Variants in SHB observed in about 807,000 individuals in gnomAD.
SHB encodes SH2 domain-containing adapter protein B.
A neutral mutation model predicts 52.3 loss-of-function variants in SHB; 20 were observed. That is an observed-to-expected ratio of 0.38 (90% CI 0.27 to 0.56). The LOEUF (loss-of-function observed/expected upper bound fraction) is 0.56. Among genes scored for constraint, SHB ranks in the 20% least tolerant of loss-of-function variants. The probability of loss-of-function intolerance (pLI) is 0.71; values close to 1 mark genes in which losing one functional copy is unlikely to be tolerated. For synonymous variants in SHB, 397 were observed against 316.5 expected (o/e 1.25, Z -2.70); for missense variants, 825 against 723.3 (o/e 1.14, Z -1.61).
chr9:37,949,897 C>A (rs951187312), intron 4 of SHB, among the ~76,000 whole-genome samples: 2 of 152,226 alleles, frequency 1.3e-5, no homozygotes, highest in Admixed American at 6.5e-5. Context: ...GGGCCCGACT[C>A]ATCCCTCATC....
At chr9:38,004,742 G>A (rs992407186) in intron 2 of SHB, among the ~76,000 whole-genome samples, 4 of 152,214 alleles carry the variant, frequency 2.6e-5, no homozygotes, top group Admixed American at 2.0e-4. Flanking sequence ...ACGGGCACAT[G>A]AGTGCATGTG....
rs552208634 is a variant in SHB, at chr9:37,949,041, A to C, written c.1227-287T>G. Among the ~76,000 whole-genome samples the C allele has an allele frequency of 9.2e-5, 14 of 152,298 alleles. No homozygotes were observed. The South Asian group carries it at 2.9e-3, about 32-fold the overall frequency. On this transcript the variant is annotated intron_variant, in intron 4 of 5. Transcript: ENST00000377707. ...CAGTGTGAGGACAGGCATCATGGAG[A>C]TGAAGTGGCATAGGCTCATGGAGCT...
intron 1 of SHB, among the ~76,000 whole-genome samples, chr9:38,032,587 G>C (rs138860646): frequency 2.0e-5 from 3 of 152,136 alleles, no homozygotes; most frequent in African/African-American, 7.2e-5. Context: ...CTGTGACTCC[G>C]GCACACCTGC....
intron 3 of SHB, among the ~76,000 whole-genome samples, chr9:37,961,958 G>A (rs1258018056): frequency 6.6e-6 from 1 of 152,186 alleles, no homozygotes; most frequent in Non-Finnish European, 1.5e-5. Context: ...ATGGCCCGTG[G>A]CTGAAACCCA....
intron 1 of SHB, among the ~76,000 whole-genome samples, chr9:38,041,282 C>T (rs1821571871): frequency 6.6e-6 from 1 of 152,194 alleles, no homozygotes; most frequent in African/African-American, 2.4e-5. Flanking sequence ...CATAACCATG[C>T]ACACGCACCG....
chr9:38,048,262 A>G (rs1286224061), intron 1 of SHB, among the ~76,000 whole-genome samples: 1 of 152,134 alleles, frequency 6.6e-6, no homozygotes. Context: ...ATTTCCTTCC[A>G]GTCTTTTTTC....
In SHB at chr9:37,917,343, G is replaced by C. The variant is rs991382047; in HGVS notation, c.*2478C>G. Among the ~76,000 whole-genome samples, 1 of 152,200 alleles carries C rather than the reference G, an allele frequency of 6.6e-6. No homozygotes were observed. Among genetic ancestry groups the C allele is most frequent in the African/African-American group, 2.4e-5 (1 of 41,454 alleles). On this transcript the variant is annotated 3_prime_UTR_variant, in exon 6 of 6. Transcript: ENST00000377707. Reference sequence around the variant, plus strand: ...AGGAAGACGAAGGCCAGGGACAGAGGGAGGGTCCCAGGAATACCCTAAGAG... The same window carrying C: ...AGGAAGACGAAGGCCAGGGACAGAGCGAGGGTCCCAGGAATACCCTAAGAG...
At chr9:37,962,084 C>G (rs973006736) in intron 3 of SHB, among the ~76,000 whole-genome samples, 6 of 152,186 alleles carry the variant, frequency 3.9e-5, no homozygotes, top group African/African-American at 7.2e-5. Flanking sequence ...TCTTAAACTT[C>G]TTTGAGCCTT....
chr9:37,929,260 T>C (rs1034854774), intron 5 of SHB, among the ~76,000 whole-genome samples: 3 of 152,360 alleles, frequency 2.0e-5, no homozygotes, highest in Middle Eastern at 3.4e-3. Flanking sequence ...CCGCCGAGTA[T>C]GCAGGATGTC....
At chr9:38,005,120 A>G (rs1007552631) in intron 2 of SHB, among the ~76,000 whole-genome samples, 2 of 152,188 alleles carry the variant, frequency 1.3e-5, no homozygotes, top group Non-Finnish European at 1.5e-5. Context: ...TCTAGCAGAT[A>G]CATCACAGTG....
intron 1 of SHB, among the ~76,000 whole-genome samples, chr9:38,024,866 C>T (rs1462561413): frequency 6.6e-6 from 1 of 152,202 alleles, no homozygotes; most frequent in Non-Finnish European, 1.5e-5. Flanking sequence ...ATGGTCTATT[C>T]TGCTAGATCT....
chr9:38,010,178 T>A (rs1197633175), intron 2 of SHB, among the ~76,000 whole-genome samples: 1 of 152,220 alleles, frequency 6.6e-6, no homozygotes, highest in African/African-American at 2.4e-5. Context: ...AGTATTCTCC[T>A]CTGTAAAATG....
At chr9:38,048,844 T>C (rs1264519787) in intron 1 of SHB, among the ~76,000 whole-genome samples, 1 of 152,186 alleles carries the variant, frequency 6.6e-6, no homozygotes, top group Non-Finnish European at 1.5e-5. Flanking sequence ...TAGGTGCTTT[T>C]CCCTAGGAGG....
chr9:38,010,438 A>G (rs72726021), intron 2 of SHB, among the ~76,000 whole-genome samples: 10,861 of 152,240 alleles, frequency 0.071, 488 homozygotes, highest in South Asian at 0.11. Flanking sequence ...GTCAGTCTCT[A>G]CATGCTCTTG....
intron 2 of SHB, among the ~76,000 whole-genome samples, chr9:37,986,491 C>T (rs1425903718): frequency 6.6e-6 from 1 of 152,088 alleles, no homozygotes; most frequent in East Asian, 1.9e-4. Flanking sequence ...GACCAGGAGC[C>T]TTCATTGGGT....
chr9:38,008,786 A>G (rs550677717), intron 2 of SHB, among the ~76,000 whole-genome samples: 1 of 152,328 alleles, frequency 6.6e-6, no homozygotes, highest in East Asian at 1.9e-4. Flanking sequence ...TGGGGAGGGC[A>G]GGCCAGGGAG....
chr9:37,955,080 T>A (rs1832613134), intron 4 of SHB, among the ~76,000 whole-genome samples: 1 of 152,118 alleles, frequency 6.6e-6, no homozygotes, highest in African/African-American at 2.4e-5. Flanking sequence ...TCTAACAGTA[T>A]CAAGCAGACA....
At chr9:37,997,311 G>A (rs117669409) in intron 2 of SHB, among the ~76,000 whole-genome samples, 2,098 of 152,210 alleles carry the variant, frequency 0.014, 18 homozygotes, top group Middle Eastern at 0.034. Flanking sequence ...CAGCACCTAC[G>A]AAACCACTGG....
chr9:38,033,767 C>T lies in SHB; in HGVS notation c.718-17636G>A, dbSNP rs116478523. The stretch of plus-strand genomic sequence containing the variant: ...ACTCTCAGTCTTATGGACTGGCTCA[C>T]GCAGGCCTGCTTGGTGAGTAAGGCA... On this transcript the variant is annotated intron_variant, in intron 1 of 5. Transcript: ENST00000377707. Among the ~76,000 whole-genome samples the T allele has an allele frequency of 4.7e-3, 709 of 152,192 alleles. 7 individuals carry two copies. The highest frequency in any genetic ancestry group is 0.016 in the African/African-American group (683 of 41,514).
Sources: allele counts gnomAD v4.1 joint callset (sites outside exome capture counted in the v4.1 genomes callset), GRCh38; gene constraint gnomAD v4.1.1; transcripts MANE v1.5; gene names NCBI Gene and HGNC (gene_info 2026-07-23, HGNC 2026-07-21).